The following SLCO3A1 variants were observed in gnomAD, a reference collection of about 807,000 sequenced individuals.
The protein encoded by SLCO3A1 is PGE1 transporter.
SLCO3A1 carries 27 observed loss-of-function variants against 63.1 expected under a neutral mutation model. The ratio of observed to expected loss-of-function variants is 0.43; its 90% confidence interval spans 0.32 to 0.59. SLCO3A1 has a LOEUF of 0.59. Among genes scored for constraint, SLCO3A1 ranks in the 20% least tolerant of loss-of-function variants. The probability of loss-of-function intolerance (pLI) is 0.09; values close to 1 mark genes in which losing one functional copy is unlikely to be tolerated. For synonymous variants in SLCO3A1, 473 were observed against 409.9 expected, an observed-to-expected ratio of 1.15 and a Z score of -1.86; for missense variants, 773 against 945.8, an observed-to-expected ratio of 0.82 and a Z score of 2.40.
rs577350597 is a variant in SLCO3A1, at chr15:91,859,248, C to G, written c.180+5160C>G. ...CCCCTGAAGAAAATCTCGGTATTTT[C>G]TTGCCTCTCGGAAATGCCTTTGGTA... On this transcript the variant is annotated intron_variant, in intron 1 of 9. Transcript: ENST00000318445. This position sits in a 1 kb window ranked among gnomAD's most constrained non-coding sequence, Gnocchi z 5.1. 2.6e-5 allele frequency among the ~76,000 whole-genome samples: 4 copies of G among 152,310 alleles called. No individual in the cohort carries two copies. The highest frequency in any genetic ancestry group is 9.6e-5 in the African/African-American group (4 of 41,572).
chr15:91,975,950 C>A (rs535283913), intron 2 of SLCO3A1, among the ~76,000 whole-genome samples: 1 of 152,332 alleles, frequency 6.6e-6, no homozygotes, highest in Admixed American at 6.5e-5. Context: ...TTGTCTATAA[C>A]CCCTGGGGTA....
chr15:91,994,515 G>A (rs1224560381), intron 2 of SLCO3A1, among the ~76,000 whole-genome samples: 1 of 152,172 alleles, frequency 6.6e-6, no homozygotes, highest in Non-Finnish European at 1.5e-5. Flanking sequence ...GCCCTCAGCA[G>A]CTACGTTGTG....
At chr15:91,918,349 C>G (rs1898729726) in intron 2 of SLCO3A1, among the ~76,000 whole-genome samples, 1 of 152,182 alleles carries the variant, frequency 6.6e-6, no homozygotes, top group Non-Finnish European at 1.5e-5. Context: ...CACCCCATTC[C>G]TCTGTGATAA....
Position 91,854,242 on chromosome 15 carries a change from CG to C in SLCO3A1, c.180+159del. The C allele has an allele frequency of 9.3e-7, 1 of 1,075,520 alleles. No homozygotes were observed. The highest frequency in any genetic ancestry group is 1.2e-6 in the Non-Finnish European group (1 of 863,744). The allele number at this position is 1,075,520 out of a possible 1,614,324, so 66.6% of individuals were successfully genotyped here. A position where few individuals can be genotyped will look rare whatever the true frequency, so the allele number is the denominator to read the frequency against. ...TGGCGAGTGGTGCAGAGGCGGCCGC[CG>C]GGGGAGCTGCCGGCCGGGGCTGCCA... On this transcript the variant is annotated intron_variant, in intron 1 of 9. Transcript: ENST00000318445. This position sits in a 1 kb window ranked among gnomAD's most constrained non-coding sequence, Gnocchi z 6.4.
intron 1 of SLCO3A1, among the ~76,000 whole-genome samples, chr15:91,907,138 G>T (rs940480552): frequency 5.3e-5 from 8 of 152,212 alleles, no homozygotes; most frequent in Non-Finnish European, 1.2e-4. Flanking sequence ...GGTGCAAATA[G>T]TGAAGTAGAG....
At chr15:91,951,866 T>C (rs993889989) in intron 2 of SLCO3A1, among the ~76,000 whole-genome samples, 1 of 152,202 alleles carries the variant, frequency 6.6e-6, no homozygotes, top group Non-Finnish European at 1.5e-5. Context: ...TGTGTATAAT[T>C]TTCTGTGCGA....
intron 2 of SLCO3A1, among the ~76,000 whole-genome samples, chr15:91,944,703 T>G (rs1434643931): frequency 2.6e-5 from 4 of 152,076 alleles, no homozygotes; most frequent in African/African-American, 9.7e-5. Context: ...AGGAGCCTGC[T>G]TTGAGTTCTG....
chr15:92,071,716 G>C (rs568612958), intron 2 of SLCO3A1, among the ~76,000 whole-genome samples: 1 of 152,138 alleles, frequency 6.6e-6, no homozygotes, highest in Non-Finnish European at 1.5e-5. Flanking sequence ...TTCTTCAGTC[G>C]TGACACCTGG....
intron 2 of SLCO3A1, among the ~76,000 whole-genome samples, chr15:92,006,071 ATGCTTGGGCG>A (rs1275218341): frequency 6.6e-6 from 1 of 152,238 alleles, no homozygotes; most frequent in East Asian, 1.9e-4. Flanking sequence ...CTGTCGTCTC[ATGCTTGGGCG>A]TGCTGTTAGG....
At chr15:92,029,336 G>C (rs148643549) in intron 2 of SLCO3A1, among the ~76,000 whole-genome samples, 45 of 152,188 alleles carry the variant, frequency 3.0e-4, no homozygotes, top group African/African-American at 1.0e-3. Flanking sequence ...CCAGGCTCCT[G>C]CCCTGGAGTG....
chr15:91,916,345 T>G lies in SLCO3A1; in HGVS notation c.533T>G (p.Leu178Trp). The G allele has an allele frequency of 6.2e-7, 1 of 1,609,772 alleles. No individual in the cohort carries two copies. Among genetic ancestry groups the G allele is most frequent in the Non-Finnish European group, 8.5e-7 (1 of 1,178,396 alleles). The change falls in exon 2 of 10, where the codon TTG (leucine) becomes TGG (tryptophan). Residue 178 changes from leucine (L) to tryptophan (W), a missense_variant. By Grantham distance (61) the Leu-to-Trp change is moderately conservative. Around this residue, in one of 3 missense-constraint regions of SLCO3A1, gnomAD observed 565 missense variants for 749.8 expected, o/e 0.75. Coordinates refer to ENST00000318445, the MANE Select transcript of SLCO3A1 (RefSeq NM_013272.4). The surrounding 1 kb of genome is among the most constrained non-coding windows in gnomAD (Gnocchi z 6.2). ...RNRTATNMMY[L>W]LLIGAQVLLG... ...CGGACGGCTACCAACATGATGTACT[T>G]GCTGCTCATTGGGGCCCAGGTGCTC...
chr15:91,920,339 C>G (rs1363830724), intron 2 of SLCO3A1, among the ~76,000 whole-genome samples: 6 of 152,154 alleles, frequency 3.9e-5, no homozygotes, highest in African/African-American at 1.4e-4. Flanking sequence ...CAGCCCGAAG[C>G]CTCCTGGGCA....
intron 5 of SLCO3A1, among the ~76,000 whole-genome samples, chr15:92,124,101 G>A (rs532031330): frequency 1.3e-5 from 2 of 152,282 alleles, no homozygotes; most frequent in African/African-American, 2.4e-5. Flanking sequence ...TGAGGCCCAG[G>A]CAGTCATCCC....
At position 92,033,161 on chromosome 15, in the gene SLCO3A1, A is replaced by T. The variant is rs369503046; in HGVS notation, c.647-61720A>T. 1.3e-5 allele frequency among the ~76,000 whole-genome samples: 2 copies of T among 152,164 alleles called. No homozygotes were observed. The highest frequency in any genetic ancestry group is 2.1e-4 in the South Asian group (1 of 4,828). The stretch of plus-strand genomic sequence containing the variant: ...TAAAAAAAACAAAAGAACTCCATGG[A>T]TGGGGCATTGTTTTTCCATTCTGGG... On this transcript the variant is annotated intron_variant, in intron 2 of 9. Transcript: ENST00000318445. The surrounding 1 kb of genome is among the most constrained non-coding windows in gnomAD (Gnocchi z 4.5).
intron 2 of SLCO3A1, among the ~76,000 whole-genome samples, chr15:92,087,760 C>T (rs963972000): frequency 1.9e-4 from 29 of 152,030 alleles, no homozygotes; most frequent in African/African-American, 5.3e-4. Context: ...CTCAGGTGAT[C>T]TGCCTGCCTC....
chr15:92,026,096 G>A (rs2046570706), intron 2 of SLCO3A1, among the ~76,000 whole-genome samples: 1 of 152,148 alleles, frequency 6.6e-6, no homozygotes, highest in Non-Finnish European at 1.5e-5. Flanking sequence ...CCCTGCACGT[G>A]TCCAAGCCCG....
intron 1 of SLCO3A1, among the ~76,000 whole-genome samples, chr15:91,871,357 C>G (rs1284357867): frequency 6.6e-6 from 1 of 152,104 alleles, no homozygotes; most frequent in East Asian, 1.9e-4. Flanking sequence ...TAAGTGGGTT[C>G]GGTCTTCCTG....
chr15:92,025,889 G>C (rs769205713), intron 2 of SLCO3A1, among the ~76,000 whole-genome samples: 2 of 152,190 alleles, frequency 1.3e-5, no homozygotes, highest in Non-Finnish European at 2.9e-5. Flanking sequence ...AGTGGTACAC[G>C]GGTTTCTAAG....
At chr15:92,148,583 C>T (rs1355395633) in intron 8 of SLCO3A1, among the ~76,000 whole-genome samples, 1 of 152,174 alleles carries the variant, frequency 6.6e-6, no homozygotes, top group Non-Finnish European at 1.5e-5. Flanking sequence ...CTGACAAAAT[C>T]ACAAATTGCT....
Sources: allele counts gnomAD v4.1 joint callset (sites outside exome capture counted in the v4.1 genomes callset), GRCh38; gene constraint gnomAD v4.1.1; regional missense constraint gnomAD v4.1.1; non-coding constraint Gnocchi (gnomAD v3.1); transcripts MANE v1.5; gene names NCBI Gene and HGNC (gene_info 2026-07-23, HGNC 2026-07-21).